Variants in ARL15 observed in about 807,000 individuals in gnomAD.
ARL15 encodes ARF like GTPase 15, also known as ADP-ribosylation factor-like protein 15.
Under a neutral mutation model 25.2 loss-of-function variants are expected in ARL15, and 19 were observed. The observed-to-expected ratio is 0.75, with a 90% confidence interval of 0.53 to 1.10. The LOEUF is 1.10. Ranked by LOEUF, ARL15 falls within the 50% of genes least tolerant of loss-of-function variation. ARL15 has a pLI of 0.00. For synonymous variants in ARL15, 94 were observed against 86.8 expected, an observed-to-expected ratio of 1.08 and a Z score of -0.46; for missense variants, 220 against 246.0, an observed-to-expected ratio of 0.89 and a Z score of 0.71.
At chr5:54,272,723 G>A (rs1047748232) in intron 1 of ARL15, among the ~76,000 whole-genome samples, 8 of 152,140 alleles carry the variant, frequency 5.3e-5, no homozygotes, top group African/African-American at 1.9e-4. Flanking sequence ...CTCTTCTGTG[G>A]TGCCTTTTAA....
intron 1 of ARL15, among the ~76,000 whole-genome samples, chr5:54,302,854 C>A (rs1301225993): frequency 6.6e-6 from 1 of 151,956 alleles, no homozygotes; most frequent in Non-Finnish European, 1.5e-5. Flanking sequence ...TCAACCAGAA[C>A]TGGGCTTCTT....
At chr5:53,962,199 C>T (rs570416141) in intron 4 of ARL15, among the ~76,000 whole-genome samples, 5 of 152,246 alleles carry the variant, frequency 3.3e-5, no homozygotes, top group African/African-American at 1.2e-4. Flanking sequence ...CTCTAGCTAA[C>T]AGTTGGAGAC....
At chr5:54,028,800 C>T (rs1025361265) in intron 4 of ARL15, among the ~76,000 whole-genome samples, 1 of 152,000 alleles carries the variant, frequency 6.6e-6, no homozygotes, top group African/African-American at 2.4e-5. Context: ...TCATTTAAGA[C>T]CAGGAGTTTA....
At chr5:54,081,178 T>C (rs1469530992) in intron 4 of ARL15, among the ~76,000 whole-genome samples, 1 of 152,204 alleles carries the variant, frequency 6.6e-6, no homozygotes, top group Non-Finnish European at 1.5e-5. Context: ...ATGTCCTATG[T>C]CATTCATGAA....
chr5:54,245,182 T>C (rs1405259409), intron 1 of ARL15, among the ~76,000 whole-genome samples: 1 of 152,202 alleles, frequency 6.6e-6, no homozygotes. Flanking sequence ...TCTTTAAGAA[T>C]GTTTTATAAT....
At chr5:54,207,889 G>A (rs757351868) in intron 1 of ARL15, among the ~76,000 whole-genome samples, 2 of 152,186 alleles carry the variant, frequency 1.3e-5, no homozygotes, top group African/African-American at 2.4e-5. Context: ...TGGGCAACTG[G>A]CTCTGCCACC....
chr5:54,273,561 G>C (rs1757846281), intron 1 of ARL15, among the ~76,000 whole-genome samples: 1 of 152,116 alleles, frequency 6.6e-6, no homozygotes, highest in South Asian at 2.1e-4. Context: ...CTACTGTCTG[G>C]ATAACGGCAG....
intron 4 of ARL15, among the ~76,000 whole-genome samples, chr5:54,063,652 T>G (rs1751132937): frequency 6.6e-6 from 1 of 152,204 alleles, no homozygotes; most frequent in Non-Finnish European, 1.5e-5. Flanking sequence ...TGTTATTATG[T>G]TTCACTTGAA....
intron 4 of ARL15, among the ~76,000 whole-genome samples, chr5:54,073,093 T>C (rs1432192981): frequency 1.3e-5 from 2 of 152,190 alleles, no homozygotes; most frequent in African/African-American, 2.4e-5. Context: ...TTTCAAAAGA[T>C]TGTTGATAAA....
At chr5:54,060,284 A>C (rs1751023857) in intron 4 of ARL15, among the ~76,000 whole-genome samples, 1 of 151,950 alleles carries the variant, frequency 6.6e-6, no homozygotes, top group African/African-American at 2.4e-5. Context: ...CAAAAATTAG[A>C]TGGGCATGGT....
rs1749097186 is a variant in ARL15, at chr5:54,007,857, G to C, written c.462+105345C>G. Among the ~76,000 whole-genome samples, 3 of 152,134 alleles carry C rather than the reference G, an allele frequency of 2.0e-5. No individual in the cohort carries two copies. The South Asian group carries it at 6.2e-4, about 31-fold the overall frequency. ...CAAATCAAAAGCAGCTCCCAATGTT[G>C]GGGGTCTTGTCTGCCTTCACCATTT... On this transcript the variant is annotated intron_variant, in intron 4 of 4. Coordinates refer to ENST00000504924, the MANE Select transcript of ARL15 (RefSeq NM_019087.3).
intron 4 of ARL15, among the ~76,000 whole-genome samples, chr5:53,993,563 G>T (rs956229204): frequency 6.6e-6 from 1 of 152,064 alleles, no homozygotes; most frequent in African/African-American, 2.4e-5. Context: ...TCAACTTTCT[G>T]CACCTTTTAC....
intron 4 of ARL15, among the ~76,000 whole-genome samples, chr5:54,052,361 A>G (rs1194153361): frequency 1.3e-5 from 2 of 152,206 alleles, no homozygotes; most frequent in African/African-American, 4.8e-5. Context: ...AACATATTAC[A>G]TTGCATACAA....
intron 3 of ARL15, among the ~76,000 whole-genome samples, chr5:54,134,365 G>C (rs1753531741): frequency 6.6e-6 from 1 of 152,052 alleles, no homozygotes; most frequent in Non-Finnish European, 1.5e-5. Flanking sequence ...TAGCTTTGTA[G>C]CTGATTTAAC....
chr5:54,128,813 C>A (rs1420311415), intron 3 of ARL15, among the ~76,000 whole-genome samples: 1 of 148,874 alleles, frequency 6.7e-6, no homozygotes, highest in African/African-American at 2.5e-5. Flanking sequence ...TCAAGTGATT[C>A]TCCTGCCTCA....
intron 4 of ARL15, among the ~76,000 whole-genome samples, chr5:53,958,651 A>G (rs1747252648): frequency 2.0e-5 from 3 of 152,212 alleles, no homozygotes; most frequent in Non-Finnish European, 1.5e-5. Context: ...ATCAGGATCC[A>G]ACCATATACT....
At chr5:54,072,487 G>T (rs566856223) in intron 4 of ARL15, among the ~76,000 whole-genome samples, 5 of 152,188 alleles carry the variant, frequency 3.3e-5, no homozygotes, top group African/African-American at 1.2e-4. Flanking sequence ...CTCAGCGCTG[G>T]TACAAATGCT....
intron 4 of ARL15, among the ~76,000 whole-genome samples, chr5:53,941,492 G>A (rs1383804141): frequency 6.6e-6 from 1 of 152,150 alleles, no homozygotes; most frequent in African/African-American, 2.4e-5. Context: ...ATTTTCTTAA[G>A]AATCAAAAAA....
At chr5:54,005,364 C>T (rs1748992814) in intron 4 of ARL15, among the ~76,000 whole-genome samples, 1 of 152,170 alleles carries the variant, frequency 6.6e-6, no homozygotes, top group African/African-American at 2.4e-5. Flanking sequence ...AGTCTGTCCC[C>T]CAGGTGACTG....
Sources: allele counts gnomAD v4.1 joint callset (sites outside exome capture counted in the v4.1 genomes callset), GRCh38; gene constraint gnomAD v4.1.1; transcripts MANE v1.5; gene names NCBI Gene and HGNC (gene_info 2026-07-23, HGNC 2026-07-21).